Variants in SPIRE1 observed in about 807,000 individuals in gnomAD.
SPIRE1 encodes the protein protein spire homolog 1.
Under a neutral mutation model 94.1 loss-of-function variants are expected in SPIRE1, and 40 were observed. The ratio of observed to expected loss-of-function variants is 0.43; its 90% CI spans 0.33 to 0.55. The LOEUF is 0.55. Ranked by LOEUF, SPIRE1 falls within the 20% of genes least tolerant of loss-of-function variation. The pLI is 0.06. For missense variants in SPIRE1, 838 were observed against 975.2 expected (o/e 0.86, Z 1.87); for synonymous variants, 376 against 371.7 (o/e 1.01, Z -0.13).
chr18:12,560,533 T>G (rs545773285), intron 2 of SPIRE1, among the ~76,000 whole-genome samples: 1 of 152,222 alleles, frequency 6.6e-6, no homozygotes, highest in Admixed American at 6.5e-5. Context: ...AGCTAAAAAT[T>G]AAAACAATTG....
intron 10 of SPIRE1, among the ~76,000 whole-genome samples, chr18:12,472,461 G>A (rs1485915121): frequency 6.7e-6 from 1 of 148,268 alleles, no homozygotes; most frequent in African/African-American, 2.5e-5. Flanking sequence ...TTGACCTCCT[G>A]GGCTTAGGTG....
intron 4 of SPIRE1, among the ~76,000 whole-genome samples, chr18:12,519,335 C>A (rs34088731): frequency 0.093 from 14,185 of 152,080 alleles, 944 homozygotes; most frequent in Middle Eastern, 0.19. Context: ...TGTACCTATA[C>A]ACACATGTGC....
chr18:12,597,873 C>T (rs2036721584), intron 2 of SPIRE1, among the ~76,000 whole-genome samples: 1 of 152,034 alleles, frequency 6.6e-6, no homozygotes, highest in African/African-American at 2.4e-5. Flanking sequence ...GTGTGTAGGC[C>T]CTGGACTGCC....
intron 2 of SPIRE1, among the ~76,000 whole-genome samples, chr18:12,629,860 T>C (rs540520830): frequency 6.6e-6 from 1 of 152,316 alleles, no homozygotes; most frequent in South Asian, 2.1e-4. Context: ...ATATGAAAGA[T>C]TTCCATTAAG....
intron 1 of SPIRE1, among the ~76,000 whole-genome samples, chr18:12,636,725 G>A (rs1176375198): frequency 2.6e-5 from 4 of 151,706 alleles, no homozygotes; most frequent in Non-Finnish European, 5.9e-5. Context: ...TATATAATAG[G>A]GTTTGATAAG....
intron 12 of SPIRE1, among the ~76,000 whole-genome samples, chr18:12,458,873 G>A (rs1166806359): frequency 1.3e-5 from 2 of 152,184 alleles, no homozygotes; most frequent in African/African-American, 2.4e-5. Flanking sequence ...AGAAAGGAAT[G>A]TTTTGTGTCT....
chr18:12,549,436 G>GTTTTTTTTTTTTTTTTTTT (rs1345452411), intron 2 of SPIRE1, among the ~76,000 whole-genome samples: 25 of 51,930 alleles, frequency 4.8e-4, no homozygotes, highest in Non-Finnish European at 7.5e-4. Context: ...TTTTGTTATT[G>GTTTTTTTTTTTTTTTTTTT]TTGTTTTTTT....
At chr18:12,619,646 G>C (rs1167810338) in intron 2 of SPIRE1, among the ~76,000 whole-genome samples, 1 of 151,850 alleles carries the variant, frequency 6.6e-6, no homozygotes, top group East Asian at 2.0e-4. Context: ...AGGAGTTTAA[G>C]ACCAGCCTGG....
intron 2 of SPIRE1, among the ~76,000 whole-genome samples, chr18:12,632,421 G>GT (rs764268821): frequency 1.3e-5 from 2 of 152,172 alleles, no homozygotes; most frequent in Non-Finnish European, 2.9e-5. Flanking sequence ...TCCTTATGCT[G>GT]TTTTTTAATT....
In SPIRE1 at chr18:12,657,722, A is replaced by G. The variant is rs1280633801; in HGVS notation, c.145T>C (p.Tyr49His). ...ALSLEEILRL[Y>H]NQPINEEQAW... ...TGCTCCTCGTTGATGGGCTGGTTGT[A>G]CAGCCGCAGGATCTCCTCCAGGCTC... Residue 49 changes from tyrosine (Y) to histidine (H), a missense_variant, in exon 1 of 17, where the codon TAC (tyrosine) becomes CAC (histidine). Transcript: ENST00000409402. 7.1e-6 allele frequency: 10 copies of G among 1,404,118 alleles called. No individual in the cohort carries two copies. Among genetic ancestry groups the G allele is most frequent in the Non-Finnish European group, 8.4e-6 (9 of 1,071,298 alleles). The allele number at this position is 1,404,118 out of a possible 1,614,324, so 87.0% of individuals were successfully genotyped here.
At chr18:12,609,738 T>C (rs1212558490) in intron 2 of SPIRE1, among the ~76,000 whole-genome samples, 1 of 152,170 alleles carries the variant, frequency 6.6e-6, no homozygotes, top group Non-Finnish European at 1.5e-5. Context: ...GTGTCCTCAC[T>C]GACATAAATC....
intron 2 of SPIRE1, among the ~76,000 whole-genome samples, chr18:12,611,407 C>T (rs2037137279): frequency 6.6e-6 from 1 of 152,208 alleles, no homozygotes; most frequent in South Asian, 2.1e-4. Flanking sequence ...GATACTTAAG[C>T]ACTCCTATGG....
At chr18:12,525,902 G>C (rs2034506377) in intron 4 of SPIRE1, among the ~76,000 whole-genome samples, 2 of 152,012 alleles carry the variant, frequency 1.3e-5, no homozygotes, top group Non-Finnish European at 2.9e-5. Context: ...ATGATGCCTT[G>C]CTCATTAGGG....
chr18:12,546,917 A>T lies in SPIRE1; in HGVS notation c.373-13T>A, dbSNP rs758801872. 1.6e-5 allele frequency: 25 copies of T among 1,584,228 alleles called. No individual in the cohort carries two copies. The highest frequency in any genetic ancestry group is 5.6e-5 in the South Asian group (5 of 88,824). On this transcript the variant is annotated splice_polypyrimidine_tract_variant and intron_variant, in intron 2 of 16. Coordinates refer to ENST00000409402, the MANE Select transcript of SPIRE1 (RefSeq NM_001128626.2). ...AAGATTCAATGACCTAGGAACATTT[A>T]AAAAAGTGGTTAATGGAGATGAATG...
At chr18:12,547,794 G>A (rs2035216628) in intron 2 of SPIRE1, among the ~76,000 whole-genome samples, 1 of 152,070 alleles carries the variant, frequency 6.6e-6, no homozygotes, top group East Asian at 1.9e-4. Flanking sequence ...TTACAAAAAT[G>A]AGCTGGGCGT....
Position 12,463,482 on chromosome 18 carries a change from A to G in SPIRE1, c.1507T>C (p.Phe503Leu). 1 of 1,613,004 alleles carries G rather than the reference A, an allele frequency of 6.2e-7. No individual in the cohort carries two copies. The highest frequency in any genetic ancestry group is 8.5e-7 in the Non-Finnish European group (1 of 1,179,506). ...TGGGGTGTTGATGATATGGGCAGGAATTTTGGAGGCTCTAAAGATTGAACC... is the reference window on the plus strand; with the variant it reads ...TGGGGTGTTGATGATATGGGCAGGAGTTTTGGAGGCTCTAAAGATTGAACC... ...AVSTRKKPPK[F>L]LPISSTPQPE... Residue 503 changes from phenylalanine (F) to leucine (L), a missense_variant, in exon 12 of 17, where the codon TTC becomes CTC. Phe to Leu is a conservative substitution (Grantham distance 22). Around this residue, in one of 2 missense-constraint regions of SPIRE1, gnomAD observed 645 missense variants for 804.7 expected, o/e 0.80. Transcript: ENST00000409402.
At chr18:12,602,889 ATGTATGAAG>A (rs1339251952) in intron 2 of SPIRE1, among the ~76,000 whole-genome samples, 4 of 152,214 alleles carry the variant, frequency 2.6e-5, no homozygotes, top group African/African-American at 9.7e-5. Flanking sequence ...CGGCCTAGTT[ATGTATGAAG>A]TCCTTCTATG....
intron 4 of SPIRE1, among the ~76,000 whole-genome samples, chr18:12,517,687 C>T (rs2034236090): frequency 1.3e-5 from 2 of 152,084 alleles, no homozygotes; most frequent in African/African-American, 4.8e-5. Context: ...CTGCTCAATG[C>T]CAACATTTTC....
At chr18:12,539,924 C>A (rs1188762221) in intron 3 of SPIRE1, among the ~76,000 whole-genome samples, 3 of 130,204 alleles carry the variant, frequency 2.3e-5, no homozygotes, top group Non-Finnish European at 1.6e-5. Flanking sequence ...GAGACTCTGT[C>A]TTAAAAAAAA....
Sources: allele counts gnomAD v4.1 joint callset (sites outside exome capture counted in the v4.1 genomes callset), GRCh38; gene constraint gnomAD v4.1.1; regional missense constraint gnomAD v4.1.1; transcripts MANE v1.5; gene names NCBI Gene and HGNC (gene_info 2026-07-23, HGNC 2026-07-21).